EYS: variants seen among roughly 807,000 people sequenced by gnomAD.
EYS encodes protein eyes shut homolog.
EYS carries 250 observed loss-of-function variants against 282.1 expected under a neutral mutation model. The observed-to-expected ratio is 0.89, with a 90% CI of 0.80 to 0.98. The LOEUF is 0.98. EYS is among the 50% of genes least tolerant of loss of function. The pLI is 0.00. For synonymous variants in EYS, 1,355 were observed against 1,282.9 expected (o/e 1.06, Z -1.20); for missense variants, 4,016 against 3,709.0 (o/e 1.08, Z -2.15).
intron 22 of EYS, among the ~76,000 whole-genome samples, chr6:64,711,369 A>G (rs957714895): frequency 1.3e-5 from 2 of 152,338 alleles, no homozygotes; most frequent in South Asian, 4.1e-4. Flanking sequence ...ATGTGTGCCC[A>G]CAATAGTGTG....
chr6:65,158,952 C>T (rs774659377), intron 12 of EYS, among the ~76,000 whole-genome samples: 1 of 150,834 alleles, frequency 6.6e-6, no homozygotes, highest in Non-Finnish European at 1.5e-5. Context: ...ATGCAACCAA[C>T]AAACTTTTAG....
At chr6:64,897,408 C>T (rs1031809794) in intron 18 of EYS, among the ~76,000 whole-genome samples, 2 of 152,138 alleles carry the variant, frequency 1.3e-5, no homozygotes, top group African/African-American at 4.8e-5. Context: ...ATAGCATCAA[C>T]ATCAACAGAA....
At chr6:64,720,063 A>C (rs186346861) in intron 22 of EYS, among the ~76,000 whole-genome samples, 1 of 152,270 alleles carries the variant, frequency 6.6e-6, no homozygotes, top group East Asian at 1.9e-4. Flanking sequence ...GGAGGTCTGA[A>C]GTTGAAAATG....
intron 1 of EYS, among the ~76,000 whole-genome samples, chr6:65,684,768 G>A (rs776498488): frequency 9.2e-5 from 14 of 151,998 alleles, no homozygotes; most frequent in African/African-American, 9.7e-5. Flanking sequence ...CGTGTGTCAC[G>A]GGGTTTTGGT....
intron 10 of EYS, 25 bp from the exon 11 acceptor site, chr6:65,335,171 TG>T: frequency 4.0e-6 from 6 of 1,517,940 alleles, no homozygotes; most frequent in Non-Finnish European, 5.5e-6. Flanking sequence ...GAAGTAAAAA[TG>T]TTATGAATTC....
At chr6:64,816,624 G>C (rs939699084) in intron 21 of EYS, among the ~76,000 whole-genome samples, 3 of 151,922 alleles carry the variant, frequency 2.0e-5, no homozygotes, top group Non-Finnish European at 4.4e-5. Context: ...AGAACATAAT[G>C]GCATTTATTT....
At chr6:64,465,693 A>AT (rs953945171) in intron 26 of EYS, among the ~76,000 whole-genome samples, 7 of 151,652 alleles carry the variant, frequency 4.6e-5, no homozygotes, top group African/African-American at 1.5e-4. Context: ...CTGAGAAAAG[A>AT]TTTTTTTGGA....
chr6:65,225,731 A>G (rs907082969), intron 12 of EYS, among the ~76,000 whole-genome samples: 1 of 151,814 alleles, frequency 6.6e-6, no homozygotes, highest in Non-Finnish European at 1.5e-5. Flanking sequence ...GAAAAAAAAA[A>G]AAAAGGAAAA....
At chr6:64,630,687 T>C (rs1767750344) in intron 22 of EYS, among the ~76,000 whole-genome samples, 1 of 152,178 alleles carries the variant, frequency 6.6e-6, no homozygotes, top group Non-Finnish European at 1.5e-5. Flanking sequence ...CATCTTCTTG[T>C]TATTTGCAAA....
chr6:64,835,882 T>A (rs1286942133), intron 19 of EYS, among the ~76,000 whole-genome samples: 1 of 151,576 alleles, frequency 6.6e-6, no homozygotes. Flanking sequence ...AGTTCAGTTG[T>A]GAATCAGTAA....
chr6:64,832,072 T>C (rs982628559), intron 19 of EYS, among the ~76,000 whole-genome samples: 9 of 151,792 alleles, frequency 5.9e-5, no homozygotes, highest in African/African-American at 1.7e-4. Flanking sequence ...GAAGTAACAG[T>C]TTATAGATGA....
chr6:64,181,351 AAAAT>A (rs1764783065), intron 31 of EYS, among the ~76,000 whole-genome samples: 1 of 152,128 alleles, frequency 6.6e-6, no homozygotes, highest in South Asian at 2.1e-4. Context: ...CTATTTAATA[AAAAT>A]AAAAGCAGAT....
chr6:64,426,740 C>A (rs935709552), intron 28 of EYS, among the ~76,000 whole-genome samples: 6 of 152,086 alleles, frequency 3.9e-5, no homozygotes, highest in African/African-American at 1.4e-4. Context: ...TTCTCTTAAA[C>A]CCTGTCCTTC....
chr6:65,273,052 T>A (rs1449744848), intron 12 of EYS, among the ~76,000 whole-genome samples: 1 of 152,240 alleles, frequency 6.6e-6, no homozygotes, highest in East Asian at 1.9e-4. Context: ...GGATGGCTAA[T>A]TGAATAATAT....
chr6:63,965,884 A>G (rs1302909861), intron 35 of EYS, among the ~76,000 whole-genome samples: 1 of 152,210 alleles, frequency 6.6e-6, no homozygotes, highest in Admixed American at 6.5e-5. Context: ...TGGGCATTTT[A>G]CCATCAAATT....
At chr6:64,959,832 A>G (rs1028702748) in intron 14 of EYS, among the ~76,000 whole-genome samples, 1 of 151,318 alleles carries the variant, frequency 6.6e-6, no homozygotes, top group African/African-American at 2.4e-5. Flanking sequence ...ACTATGTTGT[A>G]AAGTTTCAGC....
intron 35 of EYS, among the ~76,000 whole-genome samples, chr6:63,942,258 G>A (rs188183756): frequency 6.6e-6 from 1 of 152,260 alleles, no homozygotes; most frequent in Admixed American, 6.5e-5. Flanking sequence ...AGCTGTGAAG[G>A]CCATTAAACC....
At chr6:65,511,267 G>C (rs1766858396) in intron 2 of EYS, among the ~76,000 whole-genome samples, 2 of 152,042 alleles carry the variant, frequency 1.3e-5, no homozygotes, top group Non-Finnish European at 2.9e-5. Context: ...TCTTTAAAGA[G>C]TATGTAAATA....
chr6:64,507,678 C>T (rs773772599), intron 26 of EYS, among the ~76,000 whole-genome samples: 26 of 152,204 alleles, frequency 1.7e-4, no homozygotes, highest in Non-Finnish European at 2.8e-4. Context: ...ATAAGAATCT[C>T]TCAAGTCGGG....
Sources: allele counts gnomAD v4.1 joint callset (sites outside exome capture counted in the v4.1 genomes callset), GRCh38; gene constraint gnomAD v4.1.1; transcripts MANE v1.5; gene names NCBI Gene and HGNC (gene_info 2026-07-23, HGNC 2026-07-21).